Variants in CDH13 observed in about 807,000 individuals in gnomAD.
CDH13 encodes cadherin 13.
In CDH13, 24 loss-of-function variants were observed where a neutral mutation model predicts 63.8. The ratio of observed to expected loss-of-function variants is 0.38; its 90% CI spans 0.27 to 0.53. The LOEUF (loss-of-function observed/expected upper bound fraction) is 0.53. Among genes scored for constraint, CDH13 ranks in the 20% least tolerant of loss-of-function variants. The pLI, the probability that CDH13 is intolerant of heterozygous loss-of-function variation, is 0.85. For synonymous variants in CDH13, 503 were observed against 355.3 expected (o/e 1.42, Z -4.67); for missense variants, 1,049 against 903.1 (o/e 1.16, Z -2.07).
chr16:83,698,112 A>G (rs1320678742), intron 10 of CDH13, among the ~76,000 whole-genome samples: 1 of 152,222 alleles, frequency 6.6e-6, no homozygotes, highest in Admixed American at 6.5e-5. Flanking sequence ...CACTCAATAC[A>G]TGTTTGTTAG....
At chr16:83,147,275 C>T (rs995324324) in intron 4 of CDH13, among the ~76,000 whole-genome samples, 2 of 152,190 alleles carry the variant, frequency 1.3e-5, no homozygotes, top group African/African-American at 4.8e-5. Context: ...CACCTTCTTC[C>T]GTCCACCCTT....
intron 2 of CDH13, among the ~76,000 whole-genome samples, chr16:82,923,358 T>A (rs560719711): frequency 2.1e-4 from 32 of 152,346 alleles, no homozygotes; most frequent in Admixed American, 1.8e-3. Flanking sequence ...TGGTTTATAG[T>A]AAGGGTTCAG....
chr16:82,636,694 G>A (rs1260567904), intron 1 of CDH13, among the ~76,000 whole-genome samples: 1 of 152,134 alleles, frequency 6.6e-6, no homozygotes, highest in Admixed American at 6.5e-5. Flanking sequence ...TGGGTGCCAG[G>A]CAGTGGTATA....
chr16:83,543,105 G>A (rs775558675), intron 7 of CDH13, among the ~76,000 whole-genome samples: 2 of 152,170 alleles, frequency 1.3e-5, no homozygotes, highest in Non-Finnish European at 2.9e-5. Flanking sequence ...GTAGCTTGGC[G>A]CTTGGCACAT....
intron 8 of CDH13, among the ~76,000 whole-genome samples, chr16:83,620,208 T>A (rs1381767702): frequency 6.6e-6 from 1 of 151,818 alleles, no homozygotes; most frequent in African/African-American, 2.4e-5. Context: ...CTGGCCAACA[T>A]GGTGAAACCC....
At chr16:83,274,007 C>T (rs1028587027) in intron 5 of CDH13, among the ~76,000 whole-genome samples, 4 of 152,166 alleles carry the variant, frequency 2.6e-5, no homozygotes, top group Middle Eastern at 3.2e-3. Context: ...CACTTTCCAT[C>T]TTCCTCTCCA....
chr16:83,646,788 C>G (rs538086775), intron 8 of CDH13, among the ~76,000 whole-genome samples: 48 of 150,530 alleles, frequency 3.2e-4, no homozygotes, highest in Non-Finnish European at 5.2e-4. Context: ...TACCAAATTC[C>G]CATCCTACAG....
chr16:83,592,204 A>G (rs1368297603), intron 7 of CDH13, among the ~76,000 whole-genome samples: 1 of 152,226 alleles, frequency 6.6e-6, no homozygotes, highest in Admixed American at 6.5e-5. Flanking sequence ...TAAGTGCTCA[A>G]TCAATGTCTG....
At chr16:83,549,504 C>A (rs765458194) in intron 7 of CDH13, among the ~76,000 whole-genome samples, 1 of 152,134 alleles carries the variant, frequency 6.6e-6, no homozygotes, top group Non-Finnish European at 1.5e-5. Flanking sequence ...TATGCTTCAC[C>A]TGCTTGTGCC....
intron 3 of CDH13, among the ~76,000 whole-genome samples, chr16:83,039,010 G>A (rs953720334): frequency 1.3e-5 from 2 of 152,176 alleles, no homozygotes; most frequent in South Asian, 2.1e-4. Flanking sequence ...TCCAGGCTTC[G>A]TCTTGAAACA....
At chr16:83,362,630 A>G (rs1386165860) in intron 6 of CDH13, among the ~76,000 whole-genome samples, 1 of 152,168 alleles carries the variant, frequency 6.6e-6, no homozygotes, top group Non-Finnish European at 1.5e-5. Flanking sequence ...AAAGGTCAAC[A>G]CCCATAATCA....
At chr16:83,408,373 T>C (rs2151452707) in intron 6 of CDH13, among the ~76,000 whole-genome samples, 1 of 152,344 alleles carries the variant, frequency 6.6e-6, no homozygotes, top group East Asian at 1.9e-4. Context: ...GCAAACATCA[T>C]ATAGTGCACT....
At chr16:82,678,365 T>C (rs1248091642) in intron 1 of CDH13, among the ~76,000 whole-genome samples, 1 of 150,922 alleles carries the variant, frequency 6.6e-6, no homozygotes, top group Admixed American at 6.6e-5. Flanking sequence ...TACTACATGA[T>C]TTCCCTAGTA....
intron 4 of CDH13, among the ~76,000 whole-genome samples, chr16:83,186,504 CTT>C (rs1163008701): frequency 3.9e-5 from 6 of 151,932 alleles, no homozygotes; most frequent in African/African-American, 1.5e-4. Context: ...TTGAGGTTCT[CTT>C]GTGTTGCTTT....
intron 5 of CDH13, among the ~76,000 whole-genome samples, chr16:83,277,342 G>A (rs543345475): frequency 6.6e-6 from 1 of 152,198 alleles, no homozygotes; most frequent in South Asian, 2.1e-4. Flanking sequence ...CCAAAGTATG[G>A]GGAGTTTATT....
intron 1 of CDH13, among the ~76,000 whole-genome samples, chr16:82,766,343 G>A (rs12449008): frequency 0.077 from 11,729 of 152,248 alleles, 591 homozygotes; most frequent in East Asian, 0.23. Flanking sequence ...CTGAAGGATT[G>A]AATCTCTTGC....
At chr16:83,249,707 C>G (rs1380200591) in intron 5 of CDH13, among the ~76,000 whole-genome samples, 2 of 152,160 alleles carry the variant, frequency 1.3e-5, no homozygotes, top group African/African-American at 4.8e-5. Flanking sequence ...ATATGTCTGT[C>G]TCCAATTCAT....
intron 1 of CDH13, among the ~76,000 whole-genome samples, chr16:82,711,925 C>A (rs950303829): frequency 3.3e-5 from 5 of 152,172 alleles, no homozygotes; most frequent in South Asian, 2.1e-4. Flanking sequence ...GAAATTAAAT[C>A]ACTTGCTCCA....
rs1378161448 is a variant in CDH13 at position 83,796,932 on chromosome 16, G to A, written c.*1902G>A. On this transcript the variant is annotated 3_prime_UTR_variant, in exon 14 of 14. Coordinates refer to ENST00000567109, the MANE Select transcript of CDH13 (RefSeq NM_001257.5). The stretch of plus-strand genomic sequence containing the variant: ...CCCAAGACCTGGGGATTTTTCTCTG[G>A]AACAAATCCTGTTGCTGGATCAGGA... The A allele has an allele frequency of 6.6e-6, 1 of 152,158 alleles. No individual in the cohort carries two copies. Among genetic ancestry groups the A allele is most frequent in the Non-Finnish European group, 1.5e-5 (1 of 68,032 alleles). The allele number at this position is 152,158 out of a possible 1,614,324, so 9.4% of individuals were successfully genotyped here. A position where few individuals can be genotyped will look rare whatever the true frequency, so the allele number is the denominator to read the frequency against.
Sources: allele counts gnomAD v4.1 joint callset (sites outside exome capture counted in the v4.1 genomes callset), GRCh38; gene constraint gnomAD v4.1.1; transcripts MANE v1.5; gene names NCBI Gene and HGNC (gene_info 2026-07-23, HGNC 2026-07-21).